Variants in RCC1L observed in about 807,000 individuals in gnomAD.
RCC1L encodes RCC1 like.
RCC1L carries 46 observed loss-of-function variants against 58.6 expected under a neutral mutation model. That is an observed-to-expected ratio of 0.79 (90% CI 0.62 to 1.00). The LOEUF is 1.00. RCC1L is among the 50% of genes least tolerant of loss of function. RCC1L has a pLI of 0.00. For synonymous variants in RCC1L, 281 were observed against 262.9 expected (o/e 1.07, Z -0.67); for missense variants, 636 against 623.6 (o/e 1.02, Z -0.21).
chr7:75,042,290 T>C lies in RCC1L; in HGVS notation c.*742A>G. On this transcript the variant is annotated 3_prime_UTR_variant, in exon 11 of 11. Transcript: ENST00000610322. ...TACTAAATCAAACATTGTTCACAATTTCTGGATCTTCCTCCTCCGCCTGGC... is the reference window on the plus strand; with the variant it reads ...TACTAAATCAAACATTGTTCACAATCTCTGGATCTTCCTCCTCCGCCTGGC... The C allele has an allele frequency of 1.0e-6, 1 of 985,496 alleles. No individual in the cohort carries two copies. Among genetic ancestry groups the C allele is most frequent in the South Asian group, 4.7e-5 (1 of 21,282 alleles). The allele number at this position is 985,496 out of a possible 1,614,324, so 61.0% of individuals were successfully genotyped here.
intron 10 of RCC1L, among the ~76,000 whole-genome samples, chr7:75,045,910 C>A (rs1318550045): frequency 2.0e-5 from 3 of 152,356 alleles, no homozygotes; most frequent in African/African-American, 7.2e-5. Context: ...ATCTACTGAC[C>A]AGATCCGAAT....
At chr7:75,057,283 T>C (rs1806111066) in intron 8 of RCC1L, among the ~76,000 whole-genome samples, 2 of 152,010 alleles carry the variant, frequency 1.3e-5, no homozygotes, top group African/African-American at 4.8e-5. Flanking sequence ...TTCCAGCTAA[T>C]TTCTCCATTT....
At position 75,032,497 on chromosome 7, in the gene RCC1L, G is replaced by A. The variant is rs1196863953; in HGVS notation, c.1318-4418C>T. On this transcript the variant is annotated intron_variant, in intron 10 of 10. Transcript: ENST00000614461. ...AGAAAAGATGGGCTTGAGACCGGCA[G>A]GTTCTAGACTGACACCCTTCCCCTT... Among the ~76,000 whole-genome samples, 12 of 152,292 alleles carry A rather than the reference G, an allele frequency of 7.9e-5. No homozygotes were observed. In the East Asian group the frequency reaches 2.3e-3, roughly 29 times the overall value.
At chr7:75,046,429 C>CT (rs1805723625) in intron 10 of RCC1L, among the ~76,000 whole-genome samples, 1 of 152,198 alleles carries the variant, frequency 6.6e-6, no homozygotes, top group South Asian at 2.1e-4. Flanking sequence ...CCCCCAGGTC[C>CT]TTGCTCCCCG....
At chr7:75,054,259 C>T (rs1584495258) in intron 9 of RCC1L, among the ~76,000 whole-genome samples, 1 of 152,252 alleles carries the variant, frequency 6.6e-6, no homozygotes, top group East Asian at 1.9e-4. Flanking sequence ...TGCTAGCAGA[C>T]CACAGGATAA....
chr7:75,062,875 T>C (rs993094147), intron 5 of RCC1L, among the ~76,000 whole-genome samples: 10 of 152,134 alleles, frequency 6.6e-5, no homozygotes, highest in Non-Finnish European at 1.0e-4. Context: ...CTCAGCTCAT[T>C]GCAGCCTCCA....
intron 2 of RCC1L, among the ~76,000 whole-genome samples, chr7:75,069,959 T>A (rs781882189): frequency 7.2e-5 from 11 of 152,180 alleles, no homozygotes; most frequent in Non-Finnish European, 1.2e-4. Context: ...ATTTTTACAA[T>A]CCAAGGCTCA....
chr7:75,056,855 G>A (rs1806096727), intron 8 of RCC1L: 3 of 919,244 alleles, frequency 3.3e-6, no homozygotes. Flanking sequence ...GTCTCACCGT[G>A]TTGCCCAGTG....
At chr7:75,028,269 C>A (rs932695889) in intron 10 of RCC1L, among the ~76,000 whole-genome samples, 8 of 152,046 alleles carry the variant, frequency 5.3e-5, no homozygotes, top group African/African-American at 1.9e-4. Flanking sequence ...TACAGGCACT[C>A]ACCACCACAC....
rs985797739 is a variant in RCC1L, at chr7:75,050,581, T to C, written c.1317+2130A>G. ...TTTAACTGTTTCCCAAGTTCCCCCCTCAGAAGGAAGTCCTTTTCGAAAGAA... is the reference window on the plus strand; with the variant it reads ...TTTAACTGTTTCCCAAGTTCCCCCCCCAGAAGGAAGTCCTTTTCGAAAGAA... On this transcript the variant is annotated intron_variant, in intron 10 of 10. Transcript: ENST00000610322. Among the ~76,000 whole-genome samples the C allele has an allele frequency of 9.2e-5, 14 of 152,082 alleles. No individual in the cohort carries two copies. The East Asian group carries it at 2.5e-3, about 27-fold the overall frequency.
chr7:75,039,660 C>T (rs1372230073), downstream of RCC1L, among the ~76,000 whole-genome samples: 7 of 152,240 alleles, frequency 4.6e-5, no homozygotes, highest in African/African-American at 7.2e-5. Flanking sequence ...AACCTGGACA[C>T]GCTACGTCTT....
At chr7:75,045,215 T>C (rs1373397114) in intron 10 of RCC1L, among the ~76,000 whole-genome samples, 1 of 152,000 alleles carries the variant, frequency 6.6e-6, no homozygotes, top group Non-Finnish European at 1.5e-5. Context: ...TCTCACTATG[T>C]TGCCGAGGCT....
intron 3 of RCC1L, among the ~76,000 whole-genome samples, chr7:75,065,807 C>T (rs1277672876): frequency 6.6e-6 from 1 of 151,816 alleles, no homozygotes; most frequent in African/African-American, 2.4e-5. Flanking sequence ...CACCTGAGGT[C>T]AGGTGTTCAA....
intron 2 of RCC1L, among the ~76,000 whole-genome samples, chr7:75,069,167 T>C (rs1458477980): frequency 1.4e-5 from 2 of 145,970 alleles, no homozygotes. Flanking sequence ...GCGCCTGGCA[T>C]TTCCTCTCTA....
At chr7:75,034,222 A>C (rs1805384518) in intron 10 of RCC1L, among the ~76,000 whole-genome samples, 1 of 152,206 alleles carries the variant, frequency 6.6e-6, no homozygotes, top group Non-Finnish European at 1.5e-5. Flanking sequence ...GCCGAGAAAG[A>C]AAGGTGATTG....
intron 9 of RCC1L, among the ~76,000 whole-genome samples, chr7:75,053,836 TC>T (rs1459197677): frequency 6.6e-6 from 1 of 152,156 alleles, no homozygotes; most frequent in African/African-American, 2.4e-5. Context: ...TTACAAGCTG[TC>T]TTAGGCCCCT....
At chr7:75,029,495 C>T (rs1288369642) in intron 10 of RCC1L, among the ~76,000 whole-genome samples, 1 of 151,894 alleles carries the variant, frequency 6.6e-6, no homozygotes, top group South Asian at 2.1e-4. Context: ...AGGCACCCAC[C>T]ACCACGCTCG....
Position 75,053,702 on chromosome 7 carries a change from T to C in RCC1L, c.1232-906A>G, listed in dbSNP as rs996917411. On this transcript the variant is annotated intron_variant, in intron 9 of 10. Transcript: ENST00000610322. ...CAGGTGGGACTCTGTCTGCACCAGC[T>C]GGGGCACTCCTGGGCCCATGTCACC... 3.3e-3 allele frequency among the ~76,000 whole-genome samples: 508 copies of C among 152,308 alleles called. 2 individuals carry two copies. The highest frequency in any genetic ancestry group is 5.6e-3 in the Non-Finnish European group (381 of 68,042).
In RCC1L at chr7:75,057,610, C is replaced by T; in HGVS notation, c.976G>A (p.Val326Met). 2 of 1,613,916 alleles carry T rather than the reference C, an allele frequency of 1.2e-6. No homozygotes were observed. Among genetic ancestry groups the T allele is most frequent in the South Asian group, 2.2e-5 (2 of 91,068 alleles). Residue 326 changes from valine to methionine, a missense_variant, in exon 8 of 11, where the codon GTG (valine) becomes ATG (methionine). Val to Met is a conservative substitution (Grantham distance 21). Transcript: ENST00000610322. ...ASVTDSTQVN[V>M]PRCLHFSGVG... ...CCTGAGAAGTGTAAGCAGCGGGGCA[C>T]ATTCACCTGAACCAAAGAAAGGAGC...
Sources: allele counts gnomAD v4.1 joint callset (sites outside exome capture counted in the v4.1 genomes callset), GRCh38; gene constraint gnomAD v4.1.1; transcripts MANE v1.5; gene names NCBI Gene and HGNC (gene_info 2026-07-23, HGNC 2026-07-21).